Variants in CDKAL1 observed in about 807,000 individuals in gnomAD.
CDKAL1 encodes CDKAL1 threonylcarbamoyladenosine tRNA methylthiotransferase, also known as threonylcarbamoyladenosine tRNA methylthiotransferase.
Under a neutral mutation model 68.2 loss-of-function variants are expected in CDKAL1, and 32 were observed. The ratio of observed to expected loss-of-function variants is 0.47; its 90% CI spans 0.35 to 0.63. The LOEUF (loss-of-function observed/expected upper bound fraction) is 0.63. Ranked by LOEUF, CDKAL1 falls within the 30% of genes least tolerant of loss-of-function variation. CDKAL1 has a pLI of 0.00. For synonymous variants in CDKAL1, 234 were observed against 244.3 expected, an observed-to-expected ratio of 0.96 and a Z score of 0.39; for missense variants, 606 against 696.7, an observed-to-expected ratio of 0.87 and a Z score of 1.47.
At chr6:21,104,306 T>C (rs1343423343) in intron 12 of CDKAL1, among the ~76,000 whole-genome samples, 1 of 152,188 alleles carries the variant, frequency 6.6e-6, no homozygotes, top group Non-Finnish European at 1.5e-5. Context: ...TAGGTTATGA[T>C]TGGCTCTTGG....
rs1778232534 is a variant in CDKAL1 at position 21,191,425 on chromosome 6, A to G, written c.1300-6596A>G. On this transcript the variant is annotated intron_variant, in intron 13 of 15. Coordinates refer to ENST00000274695, the MANE Select transcript of CDKAL1 (RefSeq NM_017774.3). ...GCTAGCTGATTATGTAACTTACTGA[A>G]AAATCTACCCCAAAATTGAATTTAA... Among the ~76,000 whole-genome samples the G allele has an allele frequency of 2.6e-5, 4 of 152,364 alleles. No homozygotes were observed. In the South Asian group the frequency reaches 8.3e-4, roughly 32 times the overall value.
chr6:20,807,033 A>G (rs1776600902), intron 8 of CDKAL1, among the ~76,000 whole-genome samples: 2 of 152,184 alleles, frequency 1.3e-5, no homozygotes, highest in South Asian at 4.1e-4. Flanking sequence ...CATGTGCTGA[A>G]CTGAAGTGTC....
At chr6:20,952,505 GC>G (rs1418594504) in intron 9 of CDKAL1, among the ~76,000 whole-genome samples, 1 of 152,186 alleles carries the variant, frequency 6.6e-6, no homozygotes, top group East Asian at 1.9e-4. Flanking sequence ...TTAGCTAATA[GC>G]CAGTTTAATG....
chr6:21,003,356 A>ATG (rs1420316698), intron 11 of CDKAL1, among the ~76,000 whole-genome samples: 2 of 63,118 alleles, frequency 3.2e-5, no homozygotes, highest in Non-Finnish European at 6.3e-5. Context: ...ATATATATAT[A>ATG]TATATATATA....
At chr6:20,982,999 T>C (rs994376218) in intron 10 of CDKAL1, among the ~76,000 whole-genome samples, 2 of 152,206 alleles carry the variant, frequency 1.3e-5, no homozygotes, top group African/African-American at 4.8e-5. Flanking sequence ...AAAAAGCAGA[T>C]TAAAATCTCA....
chr6:20,617,673 T>A (rs1328301370), intron 4 of CDKAL1, among the ~76,000 whole-genome samples: 1 of 152,102 alleles, frequency 6.6e-6, no homozygotes, highest in African/African-American at 2.4e-5. Context: ...CGGTGTTTGG[T>A]TTTCTGTCTT....
At chr6:20,764,664 A>G (rs770605174) in intron 7 of CDKAL1, among the ~76,000 whole-genome samples, 1 of 152,210 alleles carries the variant, frequency 6.6e-6, no homozygotes, top group South Asian at 2.1e-4. Flanking sequence ...ACCACCTTAC[A>G]GAGCTCAATG....
intron 7 of CDKAL1, among the ~76,000 whole-genome samples, chr6:20,767,201 C>T (rs1238159521): frequency 1.3e-5 from 2 of 151,978 alleles, no homozygotes; most frequent in Non-Finnish European, 2.9e-5. Context: ...ATAGATGAGA[C>T]TGTAAAGTTA....
intron 13 of CDKAL1, among the ~76,000 whole-genome samples, chr6:21,109,409 A>G (rs1363035534): frequency 2.0e-5 from 3 of 152,194 alleles, no homozygotes; most frequent in Non-Finnish European, 2.9e-5. Context: ...AAATACAGAG[A>G]TGTCTGGATT....
At chr6:21,116,382 C>G (rs956086710) in intron 13 of CDKAL1, among the ~76,000 whole-genome samples, 1 of 152,126 alleles carries the variant, frequency 6.6e-6, no homozygotes, top group Non-Finnish European at 1.5e-5. Flanking sequence ...ATAAAGCAAC[C>G]ATTTAAAGCA....
At chr6:20,582,093 T>G (rs1218148809) in intron 4 of CDKAL1, among the ~76,000 whole-genome samples, 3 of 152,184 alleles carry the variant, frequency 2.0e-5, no homozygotes, top group East Asian at 1.9e-4. Context: ...AAAATTTAAT[T>G]GTTTATAAGA....
At chr6:20,977,407 T>G (rs1172815139) in intron 10 of CDKAL1, among the ~76,000 whole-genome samples, 3 of 152,218 alleles carry the variant, frequency 2.0e-5, no homozygotes, top group Non-Finnish European at 4.4e-5. Context: ...TCTTAACATC[T>G]GAAGACCTTG....
At chr6:20,858,397 C>T (rs1292748293) in intron 9 of CDKAL1, among the ~76,000 whole-genome samples, 1 of 151,948 alleles carries the variant, frequency 6.6e-6, no homozygotes, top group Non-Finnish European at 1.5e-5. Context: ...AAATATCACA[C>T]TGTATATAAT....
intron 5 of CDKAL1, among the ~76,000 whole-genome samples, chr6:20,668,310 GT>G (rs1201685318): frequency 6.6e-6 from 1 of 151,854 alleles, no homozygotes; most frequent in Non-Finnish European, 1.5e-5. Flanking sequence ...TTAGAAGAAT[GT>G]TTTTTTAAGT....
At position 20,617,468 on chromosome 6, in the gene CDKAL1, G is replaced by T. The variant is rs1766971664; in HGVS notation, c.287-31825G>T. On this transcript the variant is annotated intron_variant, in intron 4 of 15. Coordinates refer to ENST00000274695, the MANE Select transcript of CDKAL1 (RefSeq NM_017774.3). ...GTTCTAGGGTACATGTGCACAACGT[G>T]CAGGTTTGTTACATAGATATACATG... 3.9e-5 allele frequency among the ~76,000 whole-genome samples: 6 copies of T among 152,164 alleles called. No individual in the cohort carries two copies. In the South Asian group the frequency reaches 1.2e-3, roughly 32 times the overall value.
intron 4 of CDKAL1, among the ~76,000 whole-genome samples, chr6:20,579,627 T>C (rs976681541): frequency 1.3e-5 from 2 of 152,208 alleles, no homozygotes; most frequent in African/African-American, 4.8e-5. Context: ...GTTAAAGAAC[T>C]GGACCAGAGT....
chr6:21,049,096 C>T (rs1770405880), intron 11 of CDKAL1, among the ~76,000 whole-genome samples: 1 of 152,042 alleles, frequency 6.6e-6, no homozygotes, highest in African/African-American at 2.4e-5. Flanking sequence ...ATAGTCTGTT[C>T]CAAGGTATCA....
At chr6:21,166,676 A>G (rs1254598267) in intron 13 of CDKAL1, among the ~76,000 whole-genome samples, 1 of 152,236 alleles carries the variant, frequency 6.6e-6, no homozygotes, top group East Asian at 1.9e-4. Flanking sequence ...GACTAATCAA[A>G]GAGAGCATAG....
At chr6:20,608,965 C>A (rs1012775232) in intron 4 of CDKAL1, among the ~76,000 whole-genome samples, 2 of 152,104 alleles carry the variant, frequency 1.3e-5, no homozygotes, top group Non-Finnish European at 2.9e-5. Flanking sequence ...TCTTCATAGG[C>A]TTTTTATGGA....
Sources: gnomAD v4.1 joint callset for allele counts (sites outside exome capture counted in the v4.1 genomes callset) on GRCh38, gnomAD v4.1.1 for gene constraint, MANE v1.5 for transcripts, NCBI Gene and HGNC (gene_info 2026-07-23, HGNC 2026-07-21) for gene names.